The following TTLL11 variants were observed in gnomAD, a reference collection of about 807,000 sequenced individuals.
TTLL11 encodes the protein tubulin polyglutamylase TTLL11.
A neutral mutation model predicts 51.7 loss-of-function variants in TTLL11; 42 were observed. The ratio of observed to expected loss-of-function variants is 0.81; its 90% CI spans 0.64 to 1.05. The LOEUF (loss-of-function observed/expected upper bound fraction) is 1.05. TTLL11 is among the 50% of genes least tolerant of loss of function. The pLI is 0.00. For synonymous variants in TTLL11, 381 were observed against 383.5 expected, an observed-to-expected ratio of 0.99 and a Z score of 0.08; for missense variants, 799 against 940.4, an observed-to-expected ratio of 0.85 and a Z score of 1.97.
intron 6 of TTLL11, among the ~76,000 whole-genome samples, chr9:121,915,990 T>TAA (rs1491556213): frequency 4.5e-4 from 60 of 134,330 alleles, no homozygotes; most frequent in Middle Eastern, 7.4e-3. Context: ...GACACACACA[T>TAA]ACACACACAC....
chr9:121,852,453 G>A (rs1016030498), intron 8 of TTLL11, among the ~76,000 whole-genome samples: 3 of 152,118 alleles, frequency 2.0e-5, no homozygotes, highest in Admixed American at 6.5e-5. Context: ...TGGATCCTGC[G>A]GCTGCTGTTC....
chr9:121,980,170 G>A (rs1842797608), intron 4 of TTLL11, among the ~76,000 whole-genome samples: 1 of 132,420 alleles, frequency 7.6e-6, no homozygotes, highest in Admixed American at 7.4e-5. Flanking sequence ...TACCTAGGAG[G>A]GCCAGGGGGG....
At chr9:121,897,086 C>T (rs1839553459) in intron 6 of TTLL11, among the ~76,000 whole-genome samples, 1 of 152,170 alleles carries the variant, frequency 6.6e-6, no homozygotes, top group African/African-American at 2.4e-5. Flanking sequence ...AGAATGTCAG[C>T]CAGCCAGCCA....
intron 6 of TTLL11, among the ~76,000 whole-genome samples, chr9:121,966,944 AC>A (rs1842415921): frequency 6.6e-6 from 1 of 152,156 alleles, no homozygotes; most frequent in Non-Finnish European, 1.5e-5. Context: ...CCACTTGGTG[AC>A]CCTAAGAACT....
At chr9:121,939,884 C>A (rs1423329281) in intron 6 of TTLL11, among the ~76,000 whole-genome samples, 1 of 152,038 alleles carries the variant, frequency 6.6e-6, no homozygotes, top group Non-Finnish European at 1.5e-5. Flanking sequence ...TGTATGCATT[C>A]GCTCAGCAAG....
At chr9:121,977,948 T>C (rs1332992210) in intron 4 of TTLL11, among the ~76,000 whole-genome samples, 1 of 152,168 alleles carries the variant, frequency 6.6e-6, no homozygotes, top group Non-Finnish European at 1.5e-5. Flanking sequence ...GTTCTGGGAT[T>C]ACAGACGTGA....
At chr9:122,007,366 G>A (rs1010900371) in intron 3 of TTLL11, among the ~76,000 whole-genome samples, 4 of 151,594 alleles carry the variant, frequency 2.6e-5, no homozygotes, top group African/African-American at 9.7e-5. Context: ...GCGGACGCCT[G>A]TAGGAGGCTG....
chr9:121,832,132 A>T (rs1239309880), intron 8 of TTLL11, among the ~76,000 whole-genome samples: 1 of 152,138 alleles, frequency 6.6e-6, no homozygotes, highest in Non-Finnish European at 1.5e-5. Flanking sequence ...ATCTCCAAAT[A>T]CAGCCACATG....
At chr9:121,913,035 A>G (rs1840197993) in intron 6 of TTLL11, among the ~76,000 whole-genome samples, 1 of 152,148 alleles carries the variant, frequency 6.6e-6, no homozygotes, top group South Asian at 2.1e-4. Context: ...TTTGGTAAAG[A>G]CTGCAGTGAA....
chr9:122,068,479 T>G (rs950924604), intron 1 of TTLL11, among the ~76,000 whole-genome samples: 10 of 152,210 alleles, frequency 6.6e-5, no homozygotes, highest in Non-Finnish European at 1.2e-4. Context: ...TTAATAGTAA[T>G]AGTTATATTG....
In TTLL11 at chr9:121,989,880, G is replaced by A; in HGVS notation, c.694-110C>T. ...GTGAATGAGTGACAAGATGATCCCT[G>A]CCGATCTGAGCAGGGGCTGAGCATC... On this transcript the variant is annotated intron_variant, in intron 3 of 8. Transcript: ENST00000321582. This position sits in a 1 kb window ranked among gnomAD's most constrained non-coding sequence, Gnocchi z 4.2. The A allele has an allele frequency of 6.7e-7, 1 of 1,503,614 alleles. No homozygotes were observed. The highest frequency in any genetic ancestry group is 8.8e-7 in the Non-Finnish European group (1 of 1,136,106). The allele number at this position is 1,503,614 out of a possible 1,614,324, so 93.1% of individuals were successfully genotyped here. A position where few individuals can be genotyped will look rare whatever the true frequency, so the allele number is the denominator to read the frequency against.
At chr9:121,919,316 TAAA>T (rs940612104) in intron 6 of TTLL11, among the ~76,000 whole-genome samples, 1 of 152,188 alleles carries the variant, frequency 6.6e-6, no homozygotes, top group African/African-American at 2.4e-5. Context: ...ATATGGATTT[TAAA>T]AAGAAACACA....
At chr9:122,024,691 T>C (rs529239919) in intron 3 of TTLL11, among the ~76,000 whole-genome samples, 1 of 152,344 alleles carries the variant, frequency 6.6e-6, no homozygotes, top group South Asian at 2.1e-4. Flanking sequence ...ATTAGTGTTC[T>C]GATCAAATGT....
intron 6 of TTLL11, among the ~76,000 whole-genome samples, chr9:121,919,720 G>A (rs1458310159): frequency 6.6e-6 from 1 of 152,038 alleles, no homozygotes; most frequent in East Asian, 1.9e-4. Context: ...AGGTCCACAA[G>A]AATATCCTAA....
chr9:122,059,857 C>A (rs1022585363), intron 1 of TTLL11, among the ~76,000 whole-genome samples: 4 of 152,176 alleles, frequency 2.6e-5, no homozygotes, highest in Non-Finnish European at 4.4e-5. Flanking sequence ...TGGTAGAATT[C>A]ATCTCCTTGC....
intron 1 of TTLL11, among the ~76,000 whole-genome samples, chr9:122,065,810 T>A (rs1845568848): frequency 6.6e-6 from 1 of 152,150 alleles, no homozygotes. Flanking sequence ...TAACAAATGT[T>A]TGTCAATGAA....
In TTLL11 at chr9:121,842,418, T is replaced by C. The variant is rs560607038; in HGVS notation, c.1840+17919A>G. 9.2e-5 allele frequency among the ~76,000 whole-genome samples: 14 copies of C among 152,232 alleles called. No homozygotes were observed. The East Asian group carries it at 2.7e-3, about 29-fold the overall frequency. On this transcript the variant is annotated intron_variant, in intron 8 of 8. Transcript: ENST00000321582. ...GATTATAGGTGCATGCCACCCTGCCTGGCTAATGTTTTTGTAACTTTGTGT... is the reference window on the plus strand; with the variant it reads ...GATTATAGGTGCATGCCACCCTGCCCGGCTAATGTTTTTGTAACTTTGTGT...
chr9:121,920,317 T>A (rs542204947), intron 6 of TTLL11, among the ~76,000 whole-genome samples: 273 of 152,244 alleles, frequency 1.8e-3, no homozygotes, highest in African/African-American at 6.3e-3. Context: ...AATTTTTTTT[T>A]ATAAATTCAA....
chr9:121,829,175 A>G (rs1294391564), intron 8 of TTLL11, among the ~76,000 whole-genome samples: 1 of 151,986 alleles, frequency 6.6e-6, no homozygotes, highest in Non-Finnish European at 1.5e-5. Context: ...GCTGGTCTCA[A>G]ACTCCTGACC....
Sources: allele counts gnomAD v4.1 joint callset (sites outside exome capture counted in the v4.1 genomes callset), GRCh38; gene constraint gnomAD v4.1.1; non-coding constraint Gnocchi (gnomAD v3.1); transcripts MANE v1.5; gene names NCBI Gene and HGNC (gene_info 2026-07-23, HGNC 2026-07-21).